RPS6KC1: variants seen among roughly 807,000 people sequenced by gnomAD.
The protein encoded by RPS6KC1 is ribosomal protein S6 kinase C1, also known as inactive ribosomal protein S6 kinase delta-1.
RPS6KC1 carries 54 observed loss-of-function variants against 103.8 expected under a neutral mutation model. The ratio of observed to expected loss-of-function variants is 0.52; its 90% CI spans 0.42 to 0.65. The LOEUF (loss-of-function observed/expected upper bound fraction) is 0.65, where lower values mean the gene tolerates loss of function less well. RPS6KC1 is among the 30% of genes least tolerant of loss of function. The probability of loss-of-function intolerance (pLI) is 0.00; values close to 1 mark genes in which losing one functional copy is unlikely to be tolerated. For missense variants in RPS6KC1, 1,151 were observed against 1,253.8 expected (o/e 0.92, Z 1.24); for synonymous variants, 439 against 438.7 (o/e 1.00, Z -0.01).
the RPS6KC1 span, among the ~76,000 whole-genome samples, chr1:213,571,752 A>C: frequency 6.6e-6 from 1 of 152,182 alleles, no homozygotes; most frequent in South Asian, 2.1e-4. Context: ...GGCACTTTTG[A>C]GATGGAGAAT....
chr1:213,115,348 T>G (rs1256676411), intron 4 of RPS6KC1, among the ~76,000 whole-genome samples: 3 of 152,176 alleles, frequency 2.0e-5, no homozygotes, highest in Non-Finnish European at 2.9e-5. Flanking sequence ...CATAGAGGTG[T>G]CTGTAGTATT....
At chr1:213,208,753 C>T (rs538567853) in intron 8 of RPS6KC1, among the ~76,000 whole-genome samples, 5 of 151,876 alleles carry the variant, frequency 3.3e-5, no homozygotes, top group African/African-American at 1.2e-4. Context: ...CTCTTCAGTC[C>T]CACCTTTAGC....
chr1:213,233,249 A>C (rs2094145581), intron 10 of RPS6KC1, among the ~76,000 whole-genome samples: 1 of 152,162 alleles, frequency 6.6e-6, no homozygotes, highest in Non-Finnish European at 1.5e-5. Context: ...GGAAATTCAA[A>C]AGGGGCTCTG....
At chr1:213,828,615 A>G in the RPS6KC1 span, among the ~76,000 whole-genome samples, 1 of 152,190 alleles carries the variant, frequency 6.6e-6, no homozygotes, top group South Asian at 2.1e-4. Flanking sequence ...TTTCCTGGCT[A>G]CGTGGCATTG....
the RPS6KC1 span, among the ~76,000 whole-genome samples, chr1:213,361,692 C>A: frequency 1.3e-5 from 2 of 152,212 alleles, no homozygotes; most frequent in African/African-American, 4.8e-5. Flanking sequence ...AACTGCCCTG[C>A]GGTCATTCTT....
chr1:213,240,110 A>T (rs1277212190), intron 10 of RPS6KC1, among the ~76,000 whole-genome samples: 2 of 152,158 alleles, frequency 1.3e-5, no homozygotes, highest in African/African-American at 2.4e-5. Context: ...CAGTAGCTTT[A>T]CTTATATAAC....
chr1:213,265,815 A>T (rs1404249883), intron 14 of RPS6KC1, among the ~76,000 whole-genome samples: 1 of 152,192 alleles, frequency 6.6e-6, no homozygotes, highest in Non-Finnish European at 1.5e-5. Flanking sequence ...GAAGTAATAG[A>T]TTCTTAGCAT....
At chr1:213,456,028 A>G in the RPS6KC1 span, among the ~76,000 whole-genome samples, 1 of 151,980 alleles carries the variant, frequency 6.6e-6, no homozygotes, top group African/African-American at 2.4e-5. Context: ...TGCCCTTACA[A>G]CTGCTACACC....
the RPS6KC1 span, among the ~76,000 whole-genome samples, chr1:213,395,205 C>A: frequency 3.3e-5 from 5 of 152,164 alleles, no homozygotes; most frequent in Admixed American, 6.5e-5. Flanking sequence ...TGAGTTTGGG[C>A]TCTGGTGGGT....
the RPS6KC1 span, among the ~76,000 whole-genome samples, chr1:213,639,815 TG>T: frequency 1.2e-3 from 187 of 151,962 alleles, 2 homozygotes; most frequent in South Asian, 0.024. Context: ...TTTTGTTGAG[TG>T]TTTTTTCATC....
the RPS6KC1 span, among the ~76,000 whole-genome samples, chr1:213,686,056 A>G: frequency 2.0e-5 from 3 of 152,208 alleles, no homozygotes; most frequent in East Asian, 5.8e-4. Context: ...GGTTTTGGAG[A>G]GGAGTTAGAC....
the RPS6KC1 span, among the ~76,000 whole-genome samples, chr1:213,682,013 A>G: frequency 6.6e-6 from 1 of 152,142 alleles, no homozygotes; most frequent in Non-Finnish European, 1.5e-5. Context: ...ACTGCATGAC[A>G]TGTTTCCTGA....
At chr1:213,336,815 G>A in the RPS6KC1 span, among the ~76,000 whole-genome samples, 3 of 152,238 alleles carry the variant, frequency 2.0e-5, no homozygotes, top group Admixed American at 2.0e-4. Context: ...TTGTCACCCA[G>A]CTCGTTGAGT....
At chr1:213,309,668 TCTC>T in the RPS6KC1 span, among the ~76,000 whole-genome samples, 1 of 152,108 alleles carries the variant, frequency 6.6e-6, no homozygotes, top group Non-Finnish European at 1.5e-5. Flanking sequence ...TGTGCTTGAT[TCTC>T]CTCTTCTCTT....
At chr1:213,494,543 G>A in the RPS6KC1 span, among the ~76,000 whole-genome samples, 3 of 152,012 alleles carry the variant, frequency 2.0e-5, no homozygotes, top group African/African-American at 4.8e-5. Flanking sequence ...ATTGTTTTGA[G>A]AGACAAATGT....
At chr1:213,519,560 T>C in the RPS6KC1 span, among the ~76,000 whole-genome samples, 1 of 152,224 alleles carries the variant, frequency 6.6e-6, no homozygotes, top group Non-Finnish European at 1.5e-5. Flanking sequence ...ATCAGCAGTG[T>C]ACATTGTAAA....
the RPS6KC1 span, among the ~76,000 whole-genome samples, chr1:213,670,884 T>C: frequency 4.6e-5 from 7 of 152,156 alleles, no homozygotes; most frequent in South Asian, 1.4e-3. Context: ...AGACCCTAGC[T>C]CAATTAGGTT....
the RPS6KC1 span, among the ~76,000 whole-genome samples, chr1:213,682,125 G>A: frequency 6.6e-6 from 1 of 152,228 alleles, no homozygotes; most frequent in African/African-American, 2.4e-5. Flanking sequence ...ACAGAAAGTG[G>A]AACGCCTCAG....
chr1:213,572,489 G>A, the RPS6KC1 span, among the ~76,000 whole-genome samples: 1 of 152,116 alleles, frequency 6.6e-6, no homozygotes, highest in African/African-American at 2.4e-5. Flanking sequence ...TTCCCAGACT[G>A]GGGAAATATT....
Sources: gnomAD v4.1 joint callset for allele counts (sites outside exome capture counted in the v4.1 genomes callset) on GRCh38, gnomAD v4.1.1 for gene constraint, MANE v1.5 for transcripts, NCBI Gene and HGNC (gene_info 2026-07-23, HGNC 2026-07-21) for gene names.